HCN1: variants seen among roughly 807,000 people sequenced by gnomAD.
HCN1 encodes the protein hyperpolarization activated cyclic nucleotide gated potassium channel 1, also known as potassium/sodium hyperpolarization-activated cyclic nucleotide-gated channel 1.
Under a neutral mutation model 78.9 loss-of-function variants are expected in HCN1, and 13 were observed. The ratio of observed to expected loss-of-function variants is 0.16; its 90% confidence interval spans 0.11 to 0.26. HCN1 has a LOEUF of 0.26. Among genes scored for constraint, HCN1 ranks in the 10% least tolerant of loss-of-function variants. The pLI is 1.00. For missense variants in HCN1, 810 were observed against 1,154.3 expected (o/e 0.70, Z 4.32); for synonymous variants, 552 against 455.5 (o/e 1.21, Z -2.70).
At chr5:45,421,535 A>G (rs1740228796) in intron 3 of HCN1, among the ~76,000 whole-genome samples, 1 of 152,162 alleles carries the variant, frequency 6.6e-6, no homozygotes, top group Non-Finnish European at 1.5e-5. Flanking sequence ...CAGCTTATTA[A>G]CCTTTACATA....
intron 2 of HCN1, among the ~76,000 whole-genome samples, chr5:45,491,598 G>A (rs376557077): frequency 6.2e-4 from 94 of 152,098 alleles, no homozygotes; most frequent in African/African-American, 1.9e-3. Flanking sequence ...TCATTCATTT[G>A]TTTACTTACT....
Position 45,313,715 on chromosome 5 carries a change from C to A in HCN1, c.1378-9876G>T, listed in dbSNP as rs140768186. Among the ~76,000 whole-genome samples the A allele has an allele frequency of 5.8e-3, 887 of 152,084 alleles. 7 individuals are homozygous for A. Among genetic ancestry groups the A allele is most frequent in the Non-Finnish European group, 6.5e-3 (440 of 68,006 alleles). On this transcript the variant is annotated intron_variant, in intron 5 of 7. Transcript: ENST00000303230. ...AAACCATGGCACGAGAACTAAGGGA[C>A]GAATGCACAAGCTTCAGTAGCCAAT...
At chr5:45,338,997 AG>A (rs2111962278) in intron 5 of HCN1, among the ~76,000 whole-genome samples, 1 of 152,300 alleles carries the variant, frequency 6.6e-6, no homozygotes, top group South Asian at 2.1e-4. Context: ...GAAAAGCAAA[AG>A]CTGAAGAGTA....
intron 4 of HCN1, among the ~76,000 whole-genome samples, chr5:45,381,683 T>G (rs574485235): frequency 6.6e-6 from 1 of 152,162 alleles, no homozygotes; most frequent in Admixed American, 6.6e-5. Flanking sequence ...CTGCCACTTC[T>G]CCTGCCTGCA....
intron 5 of HCN1, among the ~76,000 whole-genome samples, chr5:45,340,706 T>A (rs1484242291): frequency 6.6e-6 from 1 of 152,164 alleles, no homozygotes; most frequent in Non-Finnish European, 1.5e-5. Context: ...AAGGTGCATA[T>A]TATGAAAAAG....
intron 3 of HCN1, among the ~76,000 whole-genome samples, chr5:45,439,379 A>C (rs1740625649): frequency 2.0e-5 from 3 of 152,130 alleles, no homozygotes; most frequent in Admixed American, 2.0e-4. Context: ...AAATAATATT[A>C]TTGGGGATAT....
chr5:45,623,401 C>T (rs1745106083), intron 2 of HCN1, among the ~76,000 whole-genome samples: 2 of 152,294 alleles, frequency 1.3e-5, no homozygotes, highest in Middle Eastern at 3.4e-3. Flanking sequence ...CCCCTCACAT[C>T]ACTTCCATCT....
intron 2 of HCN1, among the ~76,000 whole-genome samples, chr5:45,590,664 A>C (rs1744342164): frequency 6.6e-6 from 1 of 152,152 alleles, no homozygotes; most frequent in Admixed American, 6.6e-5. Flanking sequence ...AACCTGTGGA[A>C]ACCACTGATC....
chr5:45,367,970 G>A (rs1017588466), intron 4 of HCN1, among the ~76,000 whole-genome samples: 1 of 151,936 alleles, frequency 6.6e-6, no homozygotes, highest in Admixed American at 6.6e-5. Context: ...AAGTAAAGAA[G>A]TGAAATGCAA....
intron 6 of HCN1, among the ~76,000 whole-genome samples, chr5:45,281,708 C>A (rs1336283213): frequency 6.7e-4 from 101 of 151,156 alleles, no homozygotes; most frequent in Non-Finnish European, 2.2e-4. Flanking sequence ...CTGCCTCAGC[C>A]TCCTGAGCAG....
chr5:45,581,512 C>T (rs1365370070), intron 2 of HCN1, among the ~76,000 whole-genome samples: 1 of 152,156 alleles, frequency 6.6e-6, no homozygotes, highest in Non-Finnish European at 1.5e-5. Context: ...TGTGCAGAAG[C>T]TCTTTAGTTT....
chr5:45,534,794 G>C (rs1742934443), intron 2 of HCN1, among the ~76,000 whole-genome samples: 1 of 152,136 alleles, frequency 6.6e-6, no homozygotes, highest in Admixed American at 6.5e-5. Context: ...TTGCTAAATA[G>C]CCAAGGTGAA....
chr5:45,305,639 G>A (rs1341357295), intron 5 of HCN1, among the ~76,000 whole-genome samples: 3 of 151,472 alleles, frequency 2.0e-5, no homozygotes, highest in Non-Finnish European at 4.4e-5. Context: ...CAATATGCAT[G>A]CATATAAAGG....
intron 2 of HCN1, among the ~76,000 whole-genome samples, chr5:45,580,470 G>C (rs1322016898): frequency 6.6e-6 from 1 of 152,014 alleles, no homozygotes; most frequent in African/African-American, 2.4e-5. Context: ...CCTACATCTT[G>C]ATTTAACTCA....
chr5:45,428,850 G>A (rs1490859709), intron 3 of HCN1, among the ~76,000 whole-genome samples: 2 of 151,868 alleles, frequency 1.3e-5, no homozygotes, highest in African/African-American at 4.8e-5. Context: ...AAATATTAAT[G>A]TACTATATAT....
chr5:45,346,523 G>A (rs1331876261), intron 5 of HCN1, among the ~76,000 whole-genome samples: 1 of 152,146 alleles, frequency 6.6e-6, no homozygotes, highest in Non-Finnish European at 1.5e-5. Context: ...CAGGACAGTA[G>A]GTGCAGTGCA....
At chr5:45,510,901 G>A (rs1024009053) in intron 2 of HCN1, among the ~76,000 whole-genome samples, 1 of 152,026 alleles carries the variant, frequency 6.6e-6, no homozygotes, top group African/African-American at 2.4e-5. Context: ...TCCATATCCA[G>A]TTAATATTTA....
intron 2 of HCN1, among the ~76,000 whole-genome samples, chr5:45,618,709 A>G (rs1012002387): frequency 6.6e-6 from 1 of 152,078 alleles, no homozygotes; most frequent in Non-Finnish European, 1.5e-5. Flanking sequence ...AACAAATTCC[A>G]TATTATATTT....
intron 2 of HCN1, among the ~76,000 whole-genome samples, chr5:45,504,967 T>A (rs1376609138): frequency 2.6e-5 from 4 of 152,200 alleles, no homozygotes; most frequent in African/African-American, 9.7e-5. Flanking sequence ...TTCTTGTAAA[T>A]TTGTTTGAGT....
Sources: gnomAD v4.1 joint callset for allele counts (sites outside exome capture counted in the v4.1 genomes callset) on GRCh38, gnomAD v4.1.1 for gene constraint, MANE v1.5 for transcripts, NCBI Gene and HGNC (gene_info 2026-07-23, HGNC 2026-07-21) for gene names.